Variants in COL21A1 observed in about 807,000 individuals in gnomAD.
COL21A1 encodes collagen alpha-1(XXI) chain.
Under a neutral mutation model 137.9 loss-of-function variants are expected in COL21A1, and 149 were observed. The observed-to-expected ratio is 1.08, with a 90% CI of 0.95 to 1.24. The LOEUF is 1.24. Ranked by LOEUF, COL21A1 falls within the 50% of genes most tolerant of loss-of-function variation. The pLI is 0.00. For synonymous variants in COL21A1, 456 were observed against 391.5 expected (o/e 1.16, Z -1.95); for missense variants, 1,167 against 1,158.4 (o/e 1.01, Z -0.11).
At chr6:56,263,148 A>G (rs1189165879) in intron 1 of COL21A1, among the ~76,000 whole-genome samples, 1 of 152,242 alleles carries the variant, frequency 6.6e-6, no homozygotes, top group Non-Finnish European at 1.5e-5. Context: ...CACCTATCAC[A>G]AATACAGAGT....
rs6909501 is a variant in COL21A1 at position 56,266,174 on chromosome 6, A to T, written c.-38-83518T>A. ...ATTAGTGTTATCTTAGGCCATGTTC[A>T]TTCTTCCCACCGAAAATCAAAGCAA... is the stretch of plus-strand genomic sequence containing the variant. On this transcript the variant is annotated intron_variant, in intron 1 of 28. Coordinates refer to the COL21A1 transcript ENST00000370819. Among the ~76,000 whole-genome samples the T allele has an allele frequency of 5.0e-3, 758 of 152,338 alleles. 7 individuals are homozygous for T. The highest frequency in any genetic ancestry group is 0.017 in the African/African-American group (698 of 41,574).
intron 1 of COL21A1, among the ~76,000 whole-genome samples, chr6:56,379,412 G>A (rs147452814): frequency 1.3e-4 from 20 of 152,272 alleles, no homozygotes; most frequent in African/African-American, 3.1e-4. Flanking sequence ...AATAGCCTGA[G>A]GCTGATCCGA....
intron 1 of COL21A1, chr6:56,225,852 T>C (rs1237995730): frequency 6.6e-6 from 1 of 152,046 alleles, no homozygotes; most frequent in South Asian, 2.1e-4. Flanking sequence ...GTGCCTGAGA[T>C]GTCTTACCAT....
At chr6:56,288,533 C>T (rs537740328) in intron 1 of COL21A1, among the ~76,000 whole-genome samples, 73 of 152,202 alleles carry the variant, frequency 4.8e-4, no homozygotes, top group Non-Finnish European at 8.2e-4. Flanking sequence ...TGAAGTCACA[C>T]TCCCTGTTTT....
intron 28 of COL21A1, 39 bp downstream of exon 28, chr6:56,059,979 T>A: frequency 6.6e-7 from 1 of 1,510,252 alleles, no homozygotes; most frequent in Non-Finnish European, 9.0e-7. Flanking sequence ...AAAAAAAGAC[T>A]TTTTAAAATT....
intron 1 of COL21A1, among the ~76,000 whole-genome samples, chr6:56,296,221 CAT>C (rs1452414453): frequency 1.3e-5 from 2 of 151,876 alleles, no homozygotes; most frequent in East Asian, 3.9e-4. Context: ...TCTTGTCTAA[CAT>C]AAAATTTTTA....
intron 17 of COL21A1, among the ~76,000 whole-genome samples, chr6:56,087,262 C>A (rs1768356308): frequency 6.6e-6 from 1 of 152,154 alleles, no homozygotes; most frequent in Non-Finnish European, 1.5e-5. Flanking sequence ...TGGTGTAATT[C>A]TTCCAGACTT....
intron 24 of COL21A1, among the ~76,000 whole-genome samples, chr6:56,063,318 G>GT (rs1216074783): frequency 3.3e-5 from 5 of 152,258 alleles, no homozygotes; most frequent in African/African-American, 1.2e-4. Context: ...GAGAGTTATT[G>GT]TAAGTAACAT....
At chr6:56,336,920 T>A (rs1030611164) in intron 1 of COL21A1, among the ~76,000 whole-genome samples, 1 of 152,200 alleles carries the variant, frequency 6.6e-6, no homozygotes, top group East Asian at 1.9e-4. Context: ...GCAAAACCAA[T>A]ATGGGCACTT....
chr6:56,197,652 GCA>G (rs1779111650), intron 1 of COL21A1, among the ~76,000 whole-genome samples: 1 of 151,888 alleles, frequency 6.6e-6, no homozygotes, highest in Admixed American at 6.6e-5. Context: ...AATCAAAGTA[GCA>G]CCACTTCACA....
chr6:56,135,901 T>TTATG (rs1283862497), intron 12 of COL21A1, among the ~76,000 whole-genome samples: 1 of 152,196 alleles, frequency 6.6e-6, no homozygotes, highest in African/African-American at 2.4e-5. Flanking sequence ...TTACTTTGTG[T>TTATG]TATGTCCTTT....
At chr6:56,296,107 C>T (rs1462582301) in intron 1 of COL21A1, among the ~76,000 whole-genome samples, 1 of 151,826 alleles carries the variant, frequency 6.6e-6, no homozygotes, top group Non-Finnish European at 1.5e-5. Context: ...GAAATTCCCT[C>T]CATTCCTAGT....
intron 1 of COL21A1, among the ~76,000 whole-genome samples, chr6:56,342,805 C>A (rs1765501377): frequency 6.6e-6 from 1 of 152,170 alleles, no homozygotes; most frequent in Non-Finnish European, 1.5e-5. Context: ...CGATCTGAAT[C>A]TTCTTTCTTC....
chr6:56,373,495 G>C (rs949725243), intron 1 of COL21A1, among the ~76,000 whole-genome samples: 7 of 152,032 alleles, frequency 4.6e-5, no homozygotes, highest in African/African-American at 1.7e-4. Flanking sequence ...CCAGCTACTC[G>C]GGAGGCTGAG....
chr6:56,181,276 G>A (rs182001604), intron 2 of COL21A1, among the ~76,000 whole-genome samples: 1 of 152,308 alleles, frequency 6.6e-6, no homozygotes, highest in African/African-American at 2.4e-5. Flanking sequence ...CAGCAGAAAT[G>A]GAGTTCTGTC....
chr6:56,104,004 T>C (rs2152173133), intron 16 of COL21A1, among the ~76,000 whole-genome samples: 1 of 152,302 alleles, frequency 6.6e-6, no homozygotes, highest in East Asian at 1.9e-4. Context: ...AATCCCTCTC[T>C]TCTATGAACT....
chr6:56,365,175 C>T (rs1331897049), intron 1 of COL21A1, among the ~76,000 whole-genome samples: 1 of 152,158 alleles, frequency 6.6e-6, no homozygotes, highest in Admixed American at 6.5e-5. Context: ...ACCTCTCCCC[C>T]ACATTTTCAA....
At chr6:56,378,167 G>A (rs919849074) in intron 1 of COL21A1, among the ~76,000 whole-genome samples, 1 of 152,152 alleles carries the variant, frequency 6.6e-6, no homozygotes, top group Non-Finnish European at 1.5e-5. Flanking sequence ...TATAAGGCAA[G>A]ACTCCTTCTG....
intron 17 of COL21A1, among the ~76,000 whole-genome samples, chr6:56,080,939 C>T (rs1767703859): frequency 6.6e-6 from 1 of 151,884 alleles, no homozygotes; most frequent in Admixed American, 6.6e-5. Context: ...AAAATAGATG[C>T]TGGAGTCAGC....
Sources: allele counts gnomAD v4.1 joint callset (sites outside exome capture counted in the v4.1 genomes callset), GRCh38; gene constraint gnomAD v4.1.1; transcripts MANE v1.5; gene names NCBI Gene and HGNC (gene_info 2026-07-23, HGNC 2026-07-21).